The following CTBP2 variants were observed in gnomAD, a reference collection of about 807,000 sequenced individuals.
The protein encoded by CTBP2 is C-terminal binding protein 2, also known as C-terminal-binding protein 2.
CTBP2 carries 30 observed loss-of-function variants against 80.3 expected under a neutral mutation model. The ratio of observed to expected loss-of-function variants is 0.37; its 90% CI spans 0.28 to 0.51. The LOEUF (loss-of-function observed/expected upper bound fraction) is 0.51, where lower values mean the gene tolerates loss of function less well. Ranked by LOEUF, CTBP2 falls within the 20% of genes least tolerant of loss-of-function variation. The probability of loss-of-function intolerance (pLI) is 0.93; values close to 1 mark genes in which losing one functional copy is unlikely to be tolerated. For synonymous variants in CTBP2, 594 were observed against 587.4 expected (o/e 1.01, Z -0.16); for missense variants, 1,212 against 1,375.3 (o/e 0.88, Z 1.88).
rs115770730 is a variant in CTBP2 at position 125,073,703 on chromosome 10, A to C, written c.-101-34548T>G. ...CAAATTGTTATGGCTATAGCAGCTA[A>C]GTTTCACCAAAAAGAAAGATACAAG... On this transcript the variant is annotated intron_variant, in intron 2 of 10. Transcript: ENST00000337195. 7.1e-3 allele frequency among the ~76,000 whole-genome samples: 1,077 copies of C among 152,350 alleles called. 16 individuals are homozygous for C. Among genetic ancestry groups the C allele is most frequent in the African/African-American group, 0.025 (1,041 of 41,574 alleles).
Position 125,002,930 on chromosome 10 carries a change from T to C in CTBP2, c.1978+30A>G, listed in dbSNP as rs112919818. The C allele has an allele frequency of 3.7e-5, 59 of 1,610,208 alleles. 2 individuals carry two copies. The African/African-American group carries it at 3.7e-4, about 10-fold the overall frequency. Reference sequence around the variant, plus strand: ...CAGGGCCCACAGAGCTCCGGACAACTCCAGGCAGCCAGCGCTGCCTCGCAC... The same window carrying C: ...CAGGGCCCACAGAGCTCCGGACAACCCCAGGCAGCCAGCGCTGCCTCGCAC... On this transcript the variant is annotated intron_variant, in intron 3 of 8. Transcript: ENST00000309035.
In CTBP2 at chr10:124,984,655, G is replaced by C; in HGVS notation, c.*4863C>G. The C allele has an allele frequency of 1.0e-6, 1 of 996,354 alleles. No individual in the cohort carries two copies. Among genetic ancestry groups the C allele is most frequent in the African/African-American group, 1.6e-5 (1 of 61,474 alleles). The allele number at this position is 996,354 out of a possible 1,614,324, so 61.7% of individuals were successfully genotyped here. A position where few individuals can be genotyped will look rare whatever the true frequency, so the allele number is the denominator to read the frequency against. ...CCAAGAGGTCAAAACCATGTGAAAA[G>C]TTGATTGCTTTGGCCTTTTCATGAG... On this transcript the variant is annotated 3_prime_UTR_variant, in exon 9 of 9. Coordinates refer to ENST00000309035, the MANE Select transcript of CTBP2 (RefSeq NM_022802.3).
intron 2 of CTBP2, among the ~76,000 whole-genome samples, chr10:125,082,355 T>C (rs1161288528): frequency 2.0e-5 from 3 of 152,234 alleles, no homozygotes; most frequent in Non-Finnish European, 4.4e-5. Context: ...TTGGAGATGC[T>C]GCCCTTCTGG....
intron 2 of CTBP2, among the ~76,000 whole-genome samples, chr10:125,096,180 T>G (rs924267805): frequency 1.3e-5 from 2 of 152,236 alleles, no homozygotes; most frequent in Non-Finnish European, 2.9e-5. Context: ...CTAAGAACTC[T>G]GGCAACAAAA....
intron 1 of CTBP2, among the ~76,000 whole-genome samples, chr10:125,154,010 A>G (rs1251432536): frequency 6.6e-6 from 1 of 152,232 alleles, no homozygotes; most frequent in Non-Finnish European, 1.5e-5. Flanking sequence ...TTCTGCCACA[A>G]CGTGGGCTGG....
chr10:125,036,022 G>A (rs1028747431), intron 3 of CTBP2, among the ~76,000 whole-genome samples: 2 of 152,156 alleles, frequency 1.3e-5, no homozygotes, highest in Non-Finnish European at 2.9e-5. Flanking sequence ...ATTAAAATGT[G>A]GCTTTTACAT....
Position 125,020,571 on chromosome 10 carries a change from C to G in CTBP2, c.1678+5511G>C, listed in dbSNP as rs148609583. On this transcript the variant is annotated intron_variant, in intron 1 of 8. Transcript: ENST00000309035. ...AGGTCCCAGCAGCAGTCTTGGCTGA[C>G]ATGGCCTCCCATGAAAACACGGGTC... 2.6e-3 allele frequency among the ~76,000 whole-genome samples: 393 copies of G among 152,310 alleles called. 1 individual carries two copies. The highest frequency in any genetic ancestry group is 8.4e-3 in the African/African-American group (348 of 41,564).
At chr10:125,042,183 A>C (rs1960031281) in intron 2 of CTBP2, among the ~76,000 whole-genome samples, 2 of 152,204 alleles carry the variant, frequency 1.3e-5, no homozygotes, top group Admixed American at 1.3e-4. Context: ...GAATGTATGA[A>C]ATGTGACATT....
At position 124,987,296 on chromosome 10, in the gene CTBP2, G is replaced by T. The variant is rs962793793; in HGVS notation, c.*2222C>A. The T allele has an allele frequency of 1.3e-5, 2 of 152,356 alleles. No individual in the cohort carries two copies. Among genetic ancestry groups the T allele is most frequent in the African/African-American group, 4.8e-5 (2 of 41,344 alleles). The allele number at this position is 152,356 out of a possible 1,614,324, so 9.4% of individuals were successfully genotyped here. On this transcript the variant is annotated 3_prime_UTR_variant, in exon 9 of 9. Coordinates refer to ENST00000309035, the MANE Select transcript of CTBP2 (RefSeq NM_022802.3). ...CATACCTGCACTCTGTGGACTTGAT[G>T]GTTCTTTTTCTAGAGCAAACAGAGC...
intron 1 of CTBP2, among the ~76,000 whole-genome samples, chr10:125,122,280 T>C (rs1854459475): frequency 6.6e-6 from 1 of 152,240 alleles, no homozygotes; most frequent in South Asian, 2.1e-4. Flanking sequence ...AGGGTAGCAA[T>C]TCACAAATGC....
chr10:125,039,244 T>A lies in CTBP2; in HGVS notation c.-101-89A>T, dbSNP rs1000358268. ...CTGGGGACTTAACTGCTACTTTCTA[T>A]AAGGGAACCTGCCATGCGGACACAT... On this transcript the variant is annotated intron_variant, in intron 2 of 10. Coordinates refer to the CTBP2 transcript ENST00000337195. 1.4e-4 allele frequency: 72 copies of A among 524,660 alleles called. No individual in the cohort carries two copies. In the South Asian group the frequency reaches 1.9e-3, roughly 14 times the overall value. The allele number at this position is 524,660 out of a possible 1,614,324, so 32.5% of individuals were successfully genotyped here. A position where few individuals can be genotyped will look rare whatever the true frequency, so the allele number is the denominator to read the frequency against.
intron 1 of CTBP2, among the ~76,000 whole-genome samples, chr10:125,009,290 G>C (rs1234913080): frequency 2.6e-5 from 4 of 152,200 alleles, no homozygotes; most frequent in Non-Finnish European, 4.4e-5. Flanking sequence ...ATCAGCCCCT[G>C]TGACCTGCAG....
At chr10:125,100,363 T>A (rs1850425260) in intron 2 of CTBP2, among the ~76,000 whole-genome samples, 1 of 152,178 alleles carries the variant, frequency 6.6e-6, no homozygotes, top group South Asian at 2.1e-4. Flanking sequence ...TCACTTGGGC[T>A]CTGGTAAGGG....
chr10:125,054,580 G>C (rs1323183289), intron 2 of CTBP2, among the ~76,000 whole-genome samples: 1 of 152,226 alleles, frequency 6.6e-6, no homozygotes, highest in African/African-American at 2.4e-5. Context: ...CATAGACAGT[G>C]CAAGACAATA....
chr10:125,153,799 A>C (rs985369267), intron 1 of CTBP2, among the ~76,000 whole-genome samples: 2 of 152,210 alleles, frequency 1.3e-5, no homozygotes, highest in African/African-American at 4.8e-5. Context: ...CCTTCCAGAG[A>C]AACTTCCTCA....
At chr10:125,115,696 A>C (rs1853130325) in intron 1 of CTBP2, among the ~76,000 whole-genome samples, 1 of 152,190 alleles carries the variant, frequency 6.6e-6, no homozygotes, top group African/African-American at 2.4e-5. Flanking sequence ...CTCATGAGAT[A>C]AACAGTTGAC....
At position 125,027,539 on chromosome 10, in the gene CTBP2, G is replaced by C. The variant is rs138273458; in HGVS notation, c.221C>G (p.Ala74Gly). 326 of 1,614,142 alleles carry C rather than the reference G, an allele frequency of 2.0e-4. 2 individuals are homozygous for C. In the African/African-American group the frequency reaches 4.0e-3, roughly 20 times the overall value. The stretch of plus-strand genomic sequence containing the variant: ...TCTTGCAGCCACTGAGTTATAAACG[G>C]CCTCCCGGTACAGGTAGGGCTCGGC... Residue 74 changes from alanine to glycine, a missense_variant, in exon 1 of 9, where the codon GCC becomes GGC. Ala to Gly is a moderately conservative substitution (Grantham distance 60, BLOSUM62 0). Coordinates refer to ENST00000309035, the MANE Select transcript of CTBP2 (RefSeq NM_022802.3).
At chr10:125,148,136 G>A (rs934030578) in intron 1 of CTBP2, among the ~76,000 whole-genome samples, 1 of 152,132 alleles carries the variant, frequency 6.6e-6, no homozygotes, top group Admixed American at 6.5e-5. Context: ...AGGAGGGCAG[G>A]ACCATCTCTC....
chr10:124,997,816 C>T, intron 4 of CTBP2, 148 bp downstream of exon 6: 1 of 781,170 alleles, frequency 1.3e-6, no homozygotes, highest in Non-Finnish European at 2.0e-6. Context: ...TGACTCCGAT[C>T]TCCTACCCCG....
Sources: allele counts gnomAD v4.1 joint callset (sites outside exome capture counted in the v4.1 genomes callset), GRCh38; gene constraint gnomAD v4.1.1; transcripts MANE v1.5; gene names NCBI Gene and HGNC (gene_info 2026-07-23, HGNC 2026-07-21).